Variants in ALDH1A2 observed in about 807,000 individuals in gnomAD.
ALDH1A2 encodes aldehyde dehydrogenase 1 family member A2, also known as retinal dehydrogenase 2.
A neutral mutation model predicts 60.3 loss-of-function variants in ALDH1A2; 27 were observed. The ratio of observed to expected loss-of-function variants is 0.45; its 90% CI spans 0.33 to 0.62. The LOEUF is 0.62. Among genes scored for constraint, ALDH1A2 ranks in the 20% least tolerant of loss-of-function variants. The pLI, the probability that ALDH1A2 is intolerant of heterozygous loss-of-function variation, is 0.02. For missense variants in ALDH1A2, 581 were observed against 643.8 expected (o/e 0.90, Z 1.06); for synonymous variants, 289 against 232.4 (o/e 1.24, Z -2.21).
chr15:57,999,839 TAA>T (rs1434223518), intron 4 of ALDH1A2, among the ~76,000 whole-genome samples: 1 of 151,860 alleles, frequency 6.6e-6, no homozygotes, highest in Non-Finnish European at 1.5e-5. Flanking sequence ...ATAGACTGGA[TAA>T]AGAGAATGTG....
chr15:57,971,930 A>G (rs1225567550), intron 7 of ALDH1A2, among the ~76,000 whole-genome samples: 1 of 151,960 alleles, frequency 6.6e-6, no homozygotes, highest in Non-Finnish European at 1.5e-5. Flanking sequence ...GGGGCTTGCC[A>G]TCTTGCCCAG....
At chr15:58,023,854 G>A (rs1302788690) in intron 1 of ALDH1A2, among the ~76,000 whole-genome samples, 1 of 152,160 alleles carries the variant, frequency 6.6e-6, no homozygotes, top group Non-Finnish European at 1.5e-5. Context: ...CATTTTGGGA[G>A]GCCGAGGTGG....
At chr15:57,987,011 A>G (rs1300267191) in intron 7 of ALDH1A2, among the ~76,000 whole-genome samples, 5 of 152,236 alleles carry the variant, frequency 3.3e-5, no homozygotes, top group African/African-American at 1.2e-4. Flanking sequence ...AAAGGGGTGT[A>G]GCGAGGAAGA....
intron 7 of ALDH1A2, chr15:57,980,300 T>C (rs1055504525): frequency 4.8e-6 from 2 of 417,422 alleles, no homozygotes; most frequent in Non-Finnish European, 9.8e-6. Flanking sequence ...GTGCCTCATG[T>C]TCCCACTCTC....
chr15:58,024,009 C>A (rs1896003938), intron 1 of ALDH1A2, among the ~76,000 whole-genome samples: 1 of 152,188 alleles, frequency 6.6e-6, no homozygotes, highest in African/African-American at 2.4e-5. Flanking sequence ...AGGAGAATCG[C>A]TTGAACCTGG....
chr15:57,991,421 TAATA>T (rs1347218215), intron 7 of ALDH1A2: 1 of 152,148 alleles, frequency 6.6e-6, no homozygotes, highest in Non-Finnish European at 1.5e-5. Flanking sequence ...CTAACTGAAT[TAATA>T]TTCAAGTTTA....
At chr15:57,976,972 G>A (rs552147859) in intron 7 of ALDH1A2, among the ~76,000 whole-genome samples, 1 of 152,210 alleles carries the variant, frequency 6.6e-6, no homozygotes, top group African/African-American at 2.4e-5. Context: ...GTGTGAGATG[G>A]TATCTCACTG....
chr15:58,032,069 G>A (rs552815077), intron 1 of ALDH1A2, among the ~76,000 whole-genome samples: 181 of 152,122 alleles, frequency 1.2e-3, no homozygotes, highest in African/African-American at 3.1e-3. Flanking sequence ...TGTTTATCGC[G>A]GCACTATTCA....
intron 4 of ALDH1A2, among the ~76,000 whole-genome samples, chr15:57,998,795 A>C (rs182939940): frequency 5.6e-4 from 86 of 152,290 alleles, no homozygotes; most frequent in African/African-American, 1.9e-3. Context: ...ACCTGACTTC[A>C]AACTATACTA....
chr15:58,018,482 C>T lies in ALDH1A2; in HGVS notation c.118-4201G>A, dbSNP rs374399904. Among the ~76,000 whole-genome samples the T allele has an allele frequency of 1.8e-4, 27 of 152,082 alleles. No individual in the cohort carries two copies. The South Asian group carries it at 5.2e-3, about 29-fold the overall frequency. ...TAACTGCTTCAGGTAAAAATCATCACTAGATAGTAAAATTGGTGGGCAAAT... is the reference window on the plus strand; with the variant it reads ...TAACTGCTTCAGGTAAAAATCATCATTAGATAGTAAAATTGGTGGGCAAAT... On this transcript the variant is annotated intron_variant, in intron 1 of 12. Transcript: ENST00000249750.
At chr15:57,999,800 C>G (rs147073548) in intron 4 of ALDH1A2, among the ~76,000 whole-genome samples, 4 of 151,912 alleles carry the variant, frequency 2.6e-5, no homozygotes, top group Admixed American at 2.0e-4. Flanking sequence ...ATAGCAAAGA[C>G]GTGGAATCAA....
chr15:58,009,971 T>C (rs1298777890), intron 4 of ALDH1A2, among the ~76,000 whole-genome samples: 1 of 152,100 alleles, frequency 6.6e-6, no homozygotes, highest in Non-Finnish European at 1.5e-5. Flanking sequence ...TTCCCTCTCA[T>C]TTAAAGGGCT....
At chr15:58,017,614 G>A (rs1173395805) in intron 1 of ALDH1A2, among the ~76,000 whole-genome samples, 1 of 151,988 alleles carries the variant, frequency 6.6e-6, no homozygotes, top group Non-Finnish European at 1.5e-5. Context: ...CAGTATTTAC[G>A]AGATGATAAT....
At chr15:58,018,240 C>A (rs896923983) in intron 1 of ALDH1A2, among the ~76,000 whole-genome samples, 1 of 151,880 alleles carries the variant, frequency 6.6e-6, no homozygotes, top group Admixed American at 6.6e-5. Flanking sequence ...ATGGACAATA[C>A]TGGAATAATT....
At chr15:57,985,249 G>A (rs1427218508) in intron 7 of ALDH1A2, among the ~76,000 whole-genome samples, 1 of 152,022 alleles carries the variant, frequency 6.6e-6, no homozygotes, top group Admixed American at 6.6e-5. Context: ...GTGTTCTCCT[G>A]CTTCGAGTTG....
At chr15:58,021,770 C>T (rs1895935410) in intron 1 of ALDH1A2, among the ~76,000 whole-genome samples, 1 of 152,266 alleles carries the variant, frequency 6.6e-6, no homozygotes, top group Admixed American at 6.5e-5. Flanking sequence ...GCTGGGAGTG[C>T]TCCTGTAGCC....
chr15:58,041,538 G>C (rs764876706), intron 1 of ALDH1A2, among the ~76,000 whole-genome samples: 2 of 151,924 alleles, frequency 1.3e-5, no homozygotes, highest in African/African-American at 2.4e-5. Flanking sequence ...GGCAGATTCA[G>C]TGTCTGGTGA....
At chr15:57,955,698 CA>C (rs1274432066) in intron 12 of ALDH1A2, among the ~76,000 whole-genome samples, 2 of 150,828 alleles carry the variant, frequency 1.3e-5, no homozygotes, top group African/African-American at 4.9e-5. Context: ...TGCCTCTCTC[CA>C]CAAGGCAGCA....
intron 7 of ALDH1A2, among the ~76,000 whole-genome samples, chr15:57,974,346 T>C (rs1166536085): frequency 1.4e-5 from 2 of 143,858 alleles, no homozygotes; most frequent in African/African-American, 2.6e-5. Flanking sequence ...GGCAGGAGAA[T>C]GGCATAAACC....
Sources: gnomAD v4.1 joint callset for allele counts (sites outside exome capture counted in the v4.1 genomes callset) on GRCh38, gnomAD v4.1.1 for gene constraint, MANE v1.5 for transcripts, NCBI Gene and HGNC (gene_info 2026-07-23, HGNC 2026-07-21) for gene names.